The following SPART variants were observed in gnomAD, a reference collection of about 807,000 sequenced individuals.
SPART encodes the protein spartin, also known as spastic paraplegia 20 (Troyer syndrome).
SPART carries 35 observed loss-of-function variants against 58.7 expected under a neutral mutation model. That is an observed-to-expected ratio of 0.60 (90% confidence interval 0.46 to 0.79). The LOEUF (loss-of-function observed/expected upper bound fraction) is 0.79, where lower values mean the gene tolerates loss of function less well. SPART is among the 30% of genes least tolerant of loss of function. SPART has a pLI of 0.00. For missense variants in SPART, 730 were observed against 786.1 expected (o/e 0.93, Z 0.85); for synonymous variants, 284 against 280.7 (o/e 1.01, Z -0.12).
At chr13:36,306,530 C>T (rs528750039) in intron 8 of SPART, among the ~76,000 whole-genome samples, 34 of 152,122 alleles carry the variant, frequency 2.2e-4, no homozygotes, top group Non-Finnish European at 4.1e-4. Context: ...GGAAATCCTC[C>T]ATATTCACAA....
intron 1 of SPART, among the ~76,000 whole-genome samples, chr13:36,365,237 T>C (rs2137731395): frequency 6.6e-6 from 1 of 152,330 alleles, no homozygotes; most frequent in South Asian, 2.1e-4. Context: ...CAACAGATGG[T>C]TAAAGTAAAA....
At chr13:36,368,310 GA>G in intron 1 of SPART, 1 of 334,088 alleles carries the variant, frequency 3.0e-6, no homozygotes, top group Non-Finnish European at 6.4e-6. Context: ...AACAAATCTG[GA>G]AGGCTTTTGA....
Position 36,304,302 on chromosome 13 carries a change from G to GTC in SPART, c.*62_*63insGA. 6.3e-7 allele frequency: 1 copy of GTC among 1,583,234 alleles called. No homozygotes were observed. The highest frequency in any genetic ancestry group is 8.7e-7 in the Non-Finnish European group (1 of 1,153,310). On this transcript the variant is annotated 3_prime_UTR_variant, in exon 9 of 9. Transcript: ENST00000438666. ...TTAATCTGTGAGGAATTCCACATTT[G>GTC]CCTATTTAACAAAATTTCATCCATT... is the stretch of plus-strand genomic sequence containing the variant.
chr13:36,319,792 T>A (rs559027290), intron 5 of SPART, among the ~76,000 whole-genome samples: 3 of 144,680 alleles, frequency 2.1e-5, no homozygotes, highest in Admixed American at 1.4e-4. Flanking sequence ...GCAAATTACC[T>A]AGGCTGTACT....
At chr13:36,352,327 A>C (rs1048403357) in intron 1 of SPART, among the ~76,000 whole-genome samples, 1 of 152,242 alleles carries the variant, frequency 6.6e-6, no homozygotes, top group African/African-American at 2.4e-5. Flanking sequence ...TTTCTTACTA[A>C]CCTAATTTGA....
intron 1 of SPART, among the ~76,000 whole-genome samples, chr13:36,343,340 TAAAAAA>T (rs1191294724): frequency 2.6e-5 from 4 of 152,046 alleles, no homozygotes; most frequent in Non-Finnish European, 5.9e-5. Context: ...GTGGGGGTGA[TAAAAAA>T]GTAAAATTTT....
rs561689143 is a variant in SPART at position 36,325,703 on chromosome 13, AG to A, written c.1288+871del. 1.1e-4 allele frequency among the ~76,000 whole-genome samples: 16 copies of A among 152,342 alleles called. No individual in the cohort carries two copies. The South Asian group carries it at 3.1e-3, about 30-fold the overall frequency. On this transcript the variant is annotated intron_variant, in intron 5 of 8. Coordinates refer to ENST00000438666, the MANE Select transcript of SPART (RefSeq NM_015087.5). ...TGTCACTAATGATCATTCTGGCTTC[AG>A]AATAATTGATCTGAAGCCCTTTATA... is the stretch of plus-strand genomic sequence containing the variant.
At chr13:36,369,110 C>T (rs1488448746) in intron 1 of SPART, among the ~76,000 whole-genome samples, 1 of 152,182 alleles carries the variant, frequency 6.6e-6, no homozygotes. Flanking sequence ...TCATTTGCCT[C>T]CCATCTTTCT....
chr13:36,359,934 A>AAAC (rs1408121038), intron 1 of SPART, among the ~76,000 whole-genome samples: 4 of 151,076 alleles, frequency 2.6e-5, no homozygotes, highest in Non-Finnish European at 5.9e-5. Flanking sequence ...AAAAAAAAAA[A>AAAC]AAAAAAAACA....
intron 4 of SPART, among the ~76,000 whole-genome samples, chr13:36,329,099 T>A (rs912033011): frequency 1.3e-5 from 2 of 152,102 alleles, no homozygotes; most frequent in East Asian, 3.9e-4. Flanking sequence ...GGATCCTGTC[T>A]CAAAAAAAAT....
At chr13:36,305,195 T>C (rs1880394787) in intron 8 of SPART, among the ~76,000 whole-genome samples, 1 of 152,140 alleles carries the variant, frequency 6.6e-6, no homozygotes, top group Non-Finnish European at 1.5e-5. Flanking sequence ...CTTAGGACCT[T>C]TGTACTGGCT....
At chr13:36,318,807 A>T (rs1438624027) in intron 5 of SPART, among the ~76,000 whole-genome samples, 3 of 152,076 alleles carry the variant, frequency 2.0e-5, no homozygotes, top group African/African-American at 7.2e-5. Context: ...ACCCCACTGA[A>T]AATCGGACTG....
chr13:36,369,210 A>G (rs1349159363), intron 1 of SPART, among the ~76,000 whole-genome samples: 3 of 152,190 alleles, frequency 2.0e-5, no homozygotes, highest in African/African-American at 7.2e-5. Flanking sequence ...ACTTGTATTA[A>G]TTCATTTAGT....
At chr13:36,357,287 G>T (rs959096612) in intron 1 of SPART, among the ~76,000 whole-genome samples, 1 of 152,148 alleles carries the variant, frequency 6.6e-6, no homozygotes, top group Non-Finnish European at 1.5e-5. Flanking sequence ...AGCCCCTTGC[G>T]CATTGATGGC....
rs1305902986 is a variant in SPART, at chr13:36,335,791, T to G, written c.40A>C (p.Lys14Gln). 1.2e-6 allele frequency: 2 copies of G among 1,613,632 alleles called. No homozygotes were observed. Among genetic ancestry groups the G allele is most frequent in the East Asian group, 4.5e-5 (2 of 44,884 alleles). Residue 14 changes from lysine to glutamine, a missense_variant, in exon 2 of 9, where the codon AAG becomes CAG. Physicochemically the swap from Lys to Gln is moderately conservative, Grantham distance 53. Transcript: ENST00000438666. Reference sequence around the variant, plus strand: ...TTCTTATATGCTTCTCTGATGATCTTAATTTCAGCAGGTTCTCCATTTTGT... The same window carrying G: ...TTCTTATATGCTTCTCTGATGATCTGAATTTCAGCAGGTTCTCCATTTTGT... ...EPQNGEPAEI[K>Q]IIREAYKKAF...
Position 36,336,114 on chromosome 13 carries a change from T to C in SPART, c.-2-282A>G, listed in dbSNP as rs9547326. On this transcript the variant is annotated intron_variant, in intron 1 of 8. Transcript: ENST00000438666. ...TACATCTATTAAATAATTTTCTTGT[T>C]CTGGTTTCTTATAATAGTTTCCTAT... Among the ~76,000 whole-genome samples the C allele has an allele frequency of 0.24, 36,543 of 152,182 alleles. 4,851 individuals are homozygous for C. The highest frequency in any genetic ancestry group is 0.51 in the East Asian group (2,645 of 5,172).
chr13:36,304,284 G>T lies in SPART; in HGVS notation c.*81C>A. The stretch of plus-strand genomic sequence containing the variant: ...ACATTTAAAAAATACTGGTTAATCT[G>T]TGAGGAATTCCACATTTGCCTATTT... On this transcript the variant is annotated 3_prime_UTR_variant, in exon 9 of 9. Coordinates refer to ENST00000438666, the MANE Select transcript of SPART (RefSeq NM_015087.5). 1.3e-6 allele frequency: 2 copies of T among 1,514,682 alleles called. No individual in the cohort carries two copies. Among genetic ancestry groups the T allele is most frequent in the Non-Finnish European group, 9.2e-7 (1 of 1,092,452 alleles). 93.8% of individuals were successfully genotyped at this position (1,514,682 alleles called of 1,614,324 possible).
intron 5 of SPART, among the ~76,000 whole-genome samples, chr13:36,321,086 A>T (rs1882329877): frequency 6.6e-6 from 1 of 152,204 alleles, no homozygotes; most frequent in Non-Finnish European, 1.5e-5. Context: ...GGTACAGCCC[A>T]TTTAAGCTCC....
intron 1 of SPART, among the ~76,000 whole-genome samples, chr13:36,357,409 G>A (rs1489247397): frequency 2.6e-5 from 4 of 152,206 alleles, no homozygotes; most frequent in Admixed American, 6.5e-5. Flanking sequence ...TTAGAAGAAT[G>A]TGAAGGTATG....
Sources: gnomAD v4.1 joint callset for allele counts (sites outside exome capture counted in the v4.1 genomes callset) on GRCh38, gnomAD v4.1.1 for gene constraint, MANE v1.5 for transcripts, NCBI Gene and HGNC (gene_info 2026-07-23, HGNC 2026-07-21) for gene names.